Variants in GAS7 observed in about 807,000 individuals in gnomAD.
GAS7 encodes growth arrest specific 7.
A neutral mutation model predicts 71.1 loss-of-function variants in GAS7; 28 were observed. That is an observed-to-expected ratio of 0.39 (90% CI 0.29 to 0.54). The LOEUF (loss-of-function observed/expected upper bound fraction) is 0.54. Among genes scored for constraint, GAS7 ranks in the 20% least tolerant of loss-of-function variants. GAS7 has a pLI of 0.62. For synonymous variants in GAS7, 258 were observed against 245.8 expected, an observed-to-expected ratio of 1.05 and a Z score of -0.46; for missense variants, 436 against 627.8, an observed-to-expected ratio of 0.69 and a Z score of 3.27.
At chr17:9,950,869 G>A (rs1427106449) in intron 5 of GAS7, among the ~76,000 whole-genome samples, 1 of 151,938 alleles carries the variant, frequency 6.6e-6, no homozygotes, top group Non-Finnish European at 1.5e-5. Flanking sequence ...AAAAAAAAAG[G>A]TGCACAGCTT....
chr17:9,951,427 T>A (rs946303094), intron 5 of GAS7, among the ~76,000 whole-genome samples: 6 of 152,068 alleles, frequency 3.9e-5, no homozygotes, highest in Admixed American at 3.9e-4. Flanking sequence ...GCTCTTGGCC[T>A]TGCCCTCTTG....
At chr17:10,062,282 C>T (rs2073228136) in intron 1 of GAS7, among the ~76,000 whole-genome samples, 1 of 152,212 alleles carries the variant, frequency 6.6e-6, no homozygotes, top group African/African-American at 2.4e-5. Context: ...GTCAGGAGTT[C>T]AAGACCAGCC....
chr17:9,935,596 C>T (rs935069692), intron 8 of GAS7, among the ~76,000 whole-genome samples: 1 of 152,242 alleles, frequency 6.6e-6, no homozygotes, highest in African/African-American at 2.4e-5. Flanking sequence ...TGGAGCAGAG[C>T]AGCCAGCAGC....
chr17:10,112,837 A>T (rs2073827122), intron 1 of GAS7, among the ~76,000 whole-genome samples: 1 of 151,968 alleles, frequency 6.6e-6, no homozygotes, highest in Admixed American at 6.6e-5. Flanking sequence ...GGAAGGAAGG[A>T]AAGAAAGAAA....
rs1439592866 is a variant in GAS7, at chr17:10,192,753, C to T, written c.183+5455G>A. 2.6e-5 allele frequency among the ~76,000 whole-genome samples: 4 copies of T among 152,148 alleles called. No homozygotes were observed. In the East Asian group the frequency reaches 7.7e-4, roughly 29 times the overall value. ...CACAAGTGTGACAAAAGAGGTGGTT[C>T]CTTCTGAGCTGAGGCTGACAGAGTG... On this transcript the variant is annotated intron_variant, in intron 1 of 13. Transcript: ENST00000432992.
chr17:10,153,210 A>AAAAAAAAAAAACAAAGCAAAAC lies in GAS7; in HGVS notation c.183+44997_183+44998insGTTTTGCTTTGTTTTTTTTTTT, dbSNP rs144494150. On this transcript the variant is annotated intron_variant, in intron 1 of 13. Coordinates refer to ENST00000432992, the MANE Select transcript of GAS7 (RefSeq NM_201433.2). ...AGGTGACACGGCAAGCCTCCGTCTC[A>AAAAAAAAAAAACAAAGCAAAAC]AAAAAAAAACACTGGGCGTGGTGGC... Among the ~76,000 whole-genome samples, 8 of 145,336 alleles carry AAAAAAAAAAAACAAAGCAAAAC rather than the reference A, an allele frequency of 5.5e-5. No homozygotes were observed. The East Asian group carries it at 1.6e-3, about 30-fold the overall frequency.
At chr17:10,110,175 A>G (rs2073797485) in intron 1 of GAS7, among the ~76,000 whole-genome samples, 1 of 152,206 alleles carries the variant, frequency 6.6e-6, no homozygotes. Flanking sequence ...CAAGTGGATA[A>G]AAAAATGCGG....
chr17:9,928,119 A>ATTT (rs1319278537), intron 9 of GAS7, among the ~76,000 whole-genome samples: 3 of 145,720 alleles, frequency 2.1e-5, no homozygotes, highest in African/African-American at 7.6e-5. Flanking sequence ...TTATTTATTT[A>ATTT]TTTATTTTTT....
intron 2 of GAS7, among the ~76,000 whole-genome samples, chr17:9,986,075 G>A (rs1483835648): frequency 6.6e-6 from 1 of 152,154 alleles, no homozygotes; most frequent in Non-Finnish European, 1.5e-5. Context: ...CTTGAGGGTC[G>A]AAGCCACGGC....
At chr17:10,096,347 T>C (rs1458076045) in intron 1 of GAS7, among the ~76,000 whole-genome samples, 1 of 152,212 alleles carries the variant, frequency 6.6e-6, no homozygotes, top group African/African-American at 2.4e-5. Context: ...CTCCAAGTTT[T>C]TTCTGTGCCT....
chr17:9,976,784 C>T (rs2152124228), intron 3 of GAS7, among the ~76,000 whole-genome samples: 1 of 152,328 alleles, frequency 6.6e-6, no homozygotes. Context: ...CCCACCAGGA[C>T]AACCTCAAAA....
chr17:9,933,134 T>C (rs1597475206), intron 9 of GAS7, among the ~76,000 whole-genome samples: 1 of 152,168 alleles, frequency 6.6e-6, no homozygotes, highest in Non-Finnish European at 1.5e-5. Context: ...ATCGCACCAC[T>C]GCACTCCAGC....
intron 1 of GAS7, among the ~76,000 whole-genome samples, chr17:10,077,970 T>C (rs1245854966): frequency 6.6e-6 from 1 of 152,176 alleles, no homozygotes; most frequent in African/African-American, 2.4e-5. Flanking sequence ...TAGATGCTTC[T>C]ATTGAGATGA....
Position 9,925,643 on chromosome 17 carries a change from C to T in GAS7, c.1015-44G>A, listed in dbSNP as rs1456267758. On this transcript the variant is annotated intron_variant, in intron 10 of 13. Transcript: ENST00000432992. ...GAGAAGCTGCTCATACAGCTCGGAG[C>T]CAGTGGGCCTCCTGGGCCACGCAGC... is the stretch of plus-strand genomic sequence containing the variant. 3.7e-6 allele frequency: 6 copies of T among 1,611,844 alleles called. No homozygotes were observed. The African/African-American group carries it at 5.3e-5, about 14-fold the overall frequency.
chr17:9,980,968 C>T (rs1293736390), intron 3 of GAS7, among the ~76,000 whole-genome samples: 1 of 152,142 alleles, frequency 6.6e-6, no homozygotes, highest in Non-Finnish European at 1.5e-5. Context: ...TCCCAAGAGG[C>T]CCCTGAACAA....
At position 10,085,145 on chromosome 17, in the gene GAS7, A is replaced by G. The variant is rs187614933; in HGVS notation, c.184-65248T>C. ...TTTCCCCGGTCTCTGCCCAGTCTATAACCTTCCAGTGTCTTTGCAATAAAT... is the reference window on the plus strand; with the variant it reads ...TTTCCCCGGTCTCTGCCCAGTCTATGACCTTCCAGTGTCTTTGCAATAAAT... On this transcript the variant is annotated intron_variant, in intron 1 of 13. Coordinates refer to ENST00000432992, the MANE Select transcript of GAS7 (RefSeq NM_201433.2). Among the ~76,000 whole-genome samples, 11 of 152,252 alleles carry G rather than the reference A, an allele frequency of 7.2e-5. No individual in the cohort carries two copies. In the East Asian group the frequency reaches 1.9e-3, roughly 27 times the overall value.
chr17:9,944,660 C>T lies in GAS7; in HGVS notation c.616-1424G>A, dbSNP rs184403618. On this transcript the variant is annotated intron_variant, in intron 6 of 13. Transcript: ENST00000432992. ...TCGGGTGCCATAACTCAAAGGCCTC[C>T]GGCCACGCTGCTAACATCCCTGATG... is the stretch of plus-strand genomic sequence containing the variant. Among the ~76,000 whole-genome samples, 476 of 152,296 alleles carry T rather than the reference C, an allele frequency of 3.1e-3. 4 individuals are homozygous for T. The highest frequency in any genetic ancestry group is 0.011 in the African/African-American group (455 of 41,562).
chr17:10,091,966 T>TA (rs2073587407), intron 1 of GAS7, among the ~76,000 whole-genome samples: 2 of 114,380 alleles, frequency 1.7e-5, no homozygotes, highest in African/African-American at 3.3e-5. Context: ...TTGTCTCAAT[T>TA]TAAAAAAAAA....
At chr17:9,971,029 T>C (rs2152120973) in intron 3 of GAS7, among the ~76,000 whole-genome samples, 1 of 152,344 alleles carries the variant, frequency 6.6e-6, no homozygotes, top group East Asian at 1.9e-4. Flanking sequence ...TGACCTACTT[T>C]GTTGGTGTGA....
Sources: allele counts gnomAD v4.1 joint callset (sites outside exome capture counted in the v4.1 genomes callset), GRCh38; gene constraint gnomAD v4.1.1; transcripts MANE v1.5; gene names NCBI Gene and HGNC (gene_info 2026-07-23, HGNC 2026-07-21).